ZZZ3: variants seen among roughly 807,000 people sequenced by gnomAD.
ZZZ3 encodes the protein ZZ-type zinc finger-containing protein 3.
Under a neutral mutation model 95.2 loss-of-function variants are expected in ZZZ3, and 22 were observed. The ratio of observed to expected loss-of-function variants is 0.23; its 90% confidence interval spans 0.17 to 0.33. The LOEUF (loss-of-function observed/expected upper bound fraction) is 0.33, where lower values mean the gene tolerates loss of function less well. Among genes scored for constraint, ZZZ3 ranks in the 10% least tolerant of loss-of-function variants. The pLI is 1.00. For synonymous variants in ZZZ3, 335 were observed against 358.9 expected (o/e 0.93, Z 0.75); for missense variants, 885 against 1,066.5 (o/e 0.83, Z 2.37).
intron 1 of ZZZ3, among the ~76,000 whole-genome samples, chr1:77,675,748 A>G (rs1672204682): frequency 6.6e-6 from 1 of 152,206 alleles, no homozygotes; most frequent in South Asian, 2.1e-4. Flanking sequence ...AGCCATCACA[A>G]TTTCAAAATG....
At chr1:77,654,499 A>G (rs1670095915) in intron 1 of ZZZ3, among the ~76,000 whole-genome samples, 1 of 152,182 alleles carries the variant, frequency 6.6e-6, no homozygotes, top group Non-Finnish European at 1.5e-5. Context: ...ACCAAATATA[A>G]TAATATTTTT....
chr1:77,616,822 G>A (rs568702926), intron 5 of ZZZ3, among the ~76,000 whole-genome samples: 19 of 152,112 alleles, frequency 1.2e-4, no homozygotes, highest in South Asian at 4.1e-4. Context: ...AGCCAAGATC[G>A]CGCCACTGCA....
chr1:77,568,717 G>A (rs1231882693), intron 12 of ZZZ3, among the ~76,000 whole-genome samples: 2 of 148,668 alleles, frequency 1.3e-5, no homozygotes, highest in African/African-American at 5.0e-5. Context: ...TAAAAGGGAA[G>A]CACGGCCATG....
At chr1:77,654,075 C>A (rs1414875604) in intron 1 of ZZZ3, among the ~76,000 whole-genome samples, 1 of 150,564 alleles carries the variant, frequency 6.6e-6, no homozygotes, top group Non-Finnish European at 1.5e-5. Context: ...GTAGTCCCAG[C>A]TACTTGGGAG....
In ZZZ3 at chr1:77,631,988, G is replaced by C. The variant is rs201029873; in HGVS notation, c.1367C>G (p.Pro456Arg). The change falls in exon 5 of 15, where the codon CCC (proline) becomes CGC (arginine). Residue 456 changes from proline to arginine, a missense_variant. Around this residue, in one of 5 missense-constraint regions of ZZZ3, gnomAD observed 556 missense variants for 652.9 expected, o/e 0.85. Coordinates refer to ENST00000370801, the MANE Select transcript of ZZZ3 (RefSeq NM_015534.6). ...NNGSEGVSKP[P>R]SEARLNIGHL... ...TCCAATATTGAGTCTTGCCTCTGAG[G>C]GTGGTTTACTTACTCCTTCACTTCC... 3.1e-6 allele frequency: 5 copies of C among 1,614,038 alleles called. No individual in the cohort carries two copies. The Admixed American group carries it at 8.3e-5, about 27-fold the overall frequency.
At chr1:77,628,523 GGT>G (rs1387867499) in intron 5 of ZZZ3, among the ~76,000 whole-genome samples, 3 of 152,118 alleles carry the variant, frequency 2.0e-5, no homozygotes, top group African/African-American at 7.2e-5. Flanking sequence ...TTGTTTCCCT[GGT>G]CTAATGCCTA....
intron 5 of ZZZ3, among the ~76,000 whole-genome samples, chr1:77,601,375 G>A (rs1438778843): frequency 6.6e-6 from 1 of 152,170 alleles, no homozygotes; most frequent in Non-Finnish European, 1.5e-5. Context: ...GTAAGAGTAA[G>A]TGAAAGATGA....
In ZZZ3 at chr1:77,565,676, A is replaced by G; in HGVS notation, c.2676T>C (p.Asn892=). 1 of 1,614,008 alleles carries G rather than the reference A, an allele frequency of 6.2e-7. No individual in the cohort carries two copies. Among genetic ancestry groups the G allele is most frequent in the Non-Finnish European group, 8.5e-7 (1 of 1,179,906 alleles). ...DYCVSQGTSY[N]YLDPNYFPAN... ...CTGGAAAGTAGTTTGGGTCAAGGTA[A>G]TTGTAACTGGTGCCCTGAGACACAC... Residue 892 remains asparagine, a synonymous_variant, in exon 15 of 15, where the codon AAT becomes AAC. Coordinates refer to ENST00000370801, the MANE Select transcript of ZZZ3 (RefSeq NM_015534.6).
chr1:77,611,245 AAAAAAC>A (rs1345112460), intron 5 of ZZZ3, among the ~76,000 whole-genome samples: 6 of 149,286 alleles, frequency 4.0e-5, no homozygotes, highest in Non-Finnish European at 7.4e-5. Flanking sequence ...AAAAAAAAAA[AAAAAAC>A]AACCCACATG....
intron 12 of ZZZ3, among the ~76,000 whole-genome samples, chr1:77,569,686 C>A (rs1174707350): frequency 6.6e-6 from 1 of 152,150 alleles, no homozygotes; most frequent in African/African-American, 2.4e-5. Flanking sequence ...TTGGACCTTG[C>A]CTTCAACTAT....
At chr1:77,618,436 A>T (rs546308401) in intron 5 of ZZZ3, among the ~76,000 whole-genome samples, 108 of 152,148 alleles carry the variant, frequency 7.1e-4, no homozygotes, top group African/African-American at 2.5e-3. Context: ...AGCCAATGCC[A>T]TCTGCAAAAT....
At chr1:77,616,354 T>C (rs1666311132) in intron 5 of ZZZ3, among the ~76,000 whole-genome samples, 1 of 152,226 alleles carries the variant, frequency 6.6e-6, no homozygotes, top group African/African-American at 2.4e-5. Context: ...ACCCAAGTTA[T>C]TTTCAAGACT....
chr1:77,587,264 T>TC (rs1331007636), intron 5 of ZZZ3, among the ~76,000 whole-genome samples: 2 of 144,280 alleles, frequency 1.4e-5, no homozygotes, highest in African/African-American at 2.6e-5. Context: ...GACCCTTTTT[T>TC]TTTTTTTTTT....
chr1:77,570,828 ATTTTTT>A (rs1234908458), intron 12 of ZZZ3, among the ~76,000 whole-genome samples: 1 of 123,756 alleles, frequency 8.1e-6, no homozygotes, highest in Non-Finnish European at 1.7e-5. Context: ...AGCCTGGCTA[ATTTTTT>A]TTTTTTTTTT....
rs561274677 is a variant in ZZZ3 at position 77,605,173 on chromosome 1, C to T, written c.1506-20518G>A. Among the ~76,000 whole-genome samples the T allele has an allele frequency of 3.9e-5, 6 of 152,262 alleles. No individual in the cohort carries two copies. In the South Asian group the frequency reaches 8.3e-4, roughly 21 times the overall value. On this transcript the variant is annotated intron_variant, in intron 5 of 14. Coordinates refer to ENST00000370801, the MANE Select transcript of ZZZ3 (RefSeq NM_015534.6). ...AGACAGTCTTGAGTTGCAGATGCCACCCCTTCCCTATCCCCCAGCAGTGAC... is the reference window on the plus strand; with the variant it reads ...AGACAGTCTTGAGTTGCAGATGCCATCCCTTCCCTATCCCCCAGCAGTGAC...
At chr1:77,579,925 A>T (rs1662335205) in intron 9 of ZZZ3, 1 of 171,166 alleles carries the variant, frequency 5.8e-6, no homozygotes, top group African/African-American at 2.4e-5. Flanking sequence ...GGTAGATTAC[A>T]CATTTTAGTG....
At chr1:77,579,505 C>G in intron 10 of ZZZ3, 22 bp downstream of exon 10, 1 of 1,540,200 alleles carries the variant, frequency 6.5e-7, no homozygotes, top group South Asian at 1.1e-5. Context: ...TACCAGCAAT[C>G]TGCAGTCATC....
intron 5 of ZZZ3, among the ~76,000 whole-genome samples, chr1:77,604,042 C>T (rs1040924323): frequency 6.6e-6 from 1 of 152,120 alleles, no homozygotes; most frequent in African/African-American, 2.4e-5. Flanking sequence ...GTGGTCCACA[C>T]CGGTAGTCCT....
intron 5 of ZZZ3, among the ~76,000 whole-genome samples, chr1:77,602,527 G>C (rs1664828719): frequency 6.7e-6 from 1 of 150,352 alleles, no homozygotes; most frequent in Non-Finnish European, 1.5e-5. Flanking sequence ...TGACCAACCA[G>C]AATTTCAATT....
Sources: gnomAD v4.1 joint callset for allele counts (sites outside exome capture counted in the v4.1 genomes callset) on GRCh38, gnomAD v4.1.1 for gene constraint, gnomAD v4.1.1 regional missense constraint, MANE v1.5 for transcripts, NCBI Gene and HGNC (gene_info 2026-07-23, HGNC 2026-07-21) for gene names.